Variants in C1orf21 observed in about 807,000 individuals in gnomAD.
C1orf21 encodes uncharacterized protein C1orf21.
Under a neutral mutation model 18.7 loss-of-function variants are expected in C1orf21, and 3 were observed. The ratio of observed to expected loss-of-function variants is 0.16; its 90% CI spans 0.07 to 0.42. C1orf21 has a LOEUF of 0.42. C1orf21 is among the 10% of genes least tolerant of loss of function. The probability of loss-of-function intolerance (pLI) is 0.99; values close to 1 mark genes in which losing one functional copy is unlikely to be tolerated. For missense variants in C1orf21, 104 were observed against 143.6 expected, an observed-to-expected ratio of 0.72 and a Z score of 1.41; for synonymous variants, 41 against 46.4, an observed-to-expected ratio of 0.88 and a Z score of 0.47.
intron 1 of C1orf21, among the ~76,000 whole-genome samples, chr1:184,472,316 C>T (rs1346451806): frequency 1.3e-5 from 2 of 152,148 alleles, no homozygotes; most frequent in African/African-American, 4.8e-5. Context: ...CTGCTGACTT[C>T]ATAGCTCTCT....
chr1:184,566,551 G>A (rs1183719813), intron 3 of C1orf21: 1 of 367,102 alleles, frequency 2.7e-6, no homozygotes, highest in Non-Finnish European at 5.3e-6. Context: ...CACAGCCTCA[G>A]GTGCTTCCTC....
At chr1:184,574,155 A>C (rs1659153336) in intron 3 of C1orf21, among the ~76,000 whole-genome samples, 1 of 152,220 alleles carries the variant, frequency 6.6e-6, no homozygotes, top group Non-Finnish European at 1.5e-5. Flanking sequence ...CCGTGAGCTG[A>C]GATCACGCCA....
intron 2 of C1orf21, among the ~76,000 whole-genome samples, chr1:184,499,971 C>T (rs1657949668): frequency 6.6e-6 from 1 of 152,170 alleles, no homozygotes; most frequent in African/African-American, 2.4e-5. Context: ...AGCAGTTCTT[C>T]AGTGGGTGGA....
chr1:184,522,280 G>A (rs1658315945), intron 3 of C1orf21, among the ~76,000 whole-genome samples: 1 of 152,044 alleles, frequency 6.6e-6, no homozygotes, highest in Non-Finnish European at 1.5e-5. Flanking sequence ...TTATACATGT[G>A]TATATGGTTG....
chr1:184,388,935 T>G (rs1487565160), intron 1 of C1orf21, among the ~76,000 whole-genome samples: 1 of 152,172 alleles, frequency 6.6e-6, no homozygotes, highest in Non-Finnish European at 1.5e-5. Flanking sequence ...GATTGTAGGA[T>G]CAATAGAACA....
chr1:184,520,108 A>C (rs1658285367), intron 3 of C1orf21, among the ~76,000 whole-genome samples: 1 of 152,206 alleles, frequency 6.6e-6, no homozygotes, highest in East Asian at 1.9e-4. Context: ...GTATTTACTC[A>C]GTGCTCTGTA....
chr1:184,618,199 G>C (rs903555750), intron 5 of C1orf21, among the ~76,000 whole-genome samples: 1 of 152,110 alleles, frequency 6.6e-6, no homozygotes, highest in Non-Finnish European at 1.5e-5. Context: ...GTGAGCCACC[G>C]TGTCCAGCCA....
At chr1:184,414,067 A>G (rs2101963555) in intron 1 of C1orf21, among the ~76,000 whole-genome samples, 1 of 152,366 alleles carries the variant, frequency 6.6e-6, no homozygotes, top group South Asian at 2.1e-4. Flanking sequence ...TGAGAACTGC[A>G]GAGTGCGTCT....
At chr1:184,490,055 A>G (rs1446651410) in intron 2 of C1orf21, among the ~76,000 whole-genome samples, 1 of 152,250 alleles carries the variant, frequency 6.6e-6, no homozygotes, top group Non-Finnish European at 1.5e-5. Context: ...AGAAAGCACT[A>G]TCACTGGAAA....
chr1:184,556,810 T>C (rs1386183040), intron 3 of C1orf21, among the ~76,000 whole-genome samples: 2 of 152,104 alleles, frequency 1.3e-5, no homozygotes, highest in African/African-American at 2.4e-5. Context: ...AGGGTGACTA[T>C]AATTTTAGAA....
intron 3 of C1orf21, among the ~76,000 whole-genome samples, chr1:184,539,827 G>T (rs1464557629): frequency 6.6e-6 from 1 of 152,152 alleles, no homozygotes; most frequent in African/African-American, 2.4e-5. Context: ...TCACCTTTAA[G>T]GGGAAGTCTT....
intron 1 of C1orf21, among the ~76,000 whole-genome samples, chr1:184,465,557 C>T (rs139136412): frequency 4.6e-5 from 7 of 152,080 alleles, no homozygotes; most frequent in Non-Finnish European, 8.8e-5. Context: ...TTGTTTTTAT[C>T]GGCCTGTTCC....
chr1:184,540,966 C>T (rs1232783302), intron 3 of C1orf21, among the ~76,000 whole-genome samples: 1 of 152,140 alleles, frequency 6.6e-6, no homozygotes, highest in African/African-American at 2.4e-5. Flanking sequence ...TAATAGCTAA[C>T]AATTGTTGTA....
rs773521480 is a variant in C1orf21, at chr1:184,494,329, C to T, written c.95-13259C>T. On this transcript the variant is annotated intron_variant, in intron 2 of 5. Coordinates refer to ENST00000235307, the MANE Select transcript of C1orf21 (RefSeq NM_030806.4). ...CAAACTCACAGAGGCAGTCCAGGGCCGGACTGTACTGCTCTGTACACTGGC... is the reference window on the plus strand; with the variant it reads ...CAAACTCACAGAGGCAGTCCAGGGCTGGACTGTACTGCTCTGTACACTGGC... 7.2e-5 allele frequency among the ~76,000 whole-genome samples: 11 copies of T among 152,212 alleles called. No homozygotes were observed. The South Asian group carries it at 1.0e-3, about 14-fold the overall frequency.
In C1orf21 at chr1:184,462,051, A is replaced by G. The variant is rs573726223; in HGVS notation, c.-124-15335A>G. 4.6e-5 allele frequency among the ~76,000 whole-genome samples: 7 copies of G among 152,326 alleles called. No individual in the cohort carries two copies. The South Asian group carries it at 6.2e-4, about 14-fold the overall frequency. On this transcript the variant is annotated intron_variant, in intron 1 of 5. Coordinates refer to ENST00000235307, the MANE Select transcript of C1orf21 (RefSeq NM_030806.4). ...CAAATTAAACAACAGGGAGGAGGAC[A>G]TGGGTCTTTCTTTTATTTCTTATAA...
At chr1:184,453,072 G>C (rs531508194) in intron 1 of C1orf21, among the ~76,000 whole-genome samples, 2 of 152,176 alleles carry the variant, frequency 1.3e-5, no homozygotes, top group Admixed American at 1.3e-4. Flanking sequence ...GATCTTTCTA[G>C]GAAGACCTTC....
chr1:184,441,540 G>A lies in C1orf21; in HGVS notation c.-124-35846G>A, dbSNP rs555989033. ...AAAATAGGAGGGCAGTAGGAATGTT[G>A]AGTGATTATTATAATGTGTGATTAT... On this transcript the variant is annotated intron_variant, in intron 1 of 5. Transcript: ENST00000235307. Among the ~76,000 whole-genome samples, 90 of 152,312 alleles carry A rather than the reference G, an allele frequency of 5.9e-4. 1 individual carries two copies. Among genetic ancestry groups the A allele is most frequent in the African/African-American group, 2.1e-3 (87 of 41,568 alleles).
rs139072535 is a variant in C1orf21 at position 184,604,449 on chromosome 1, G to A, written c.327+5988G>A. ...TTTAGCAGTGGGCAGGGCTGCCATC[G>A]TCATTCCATGAAACAATTTCTTGCT... On this transcript the variant is annotated intron_variant, in intron 5 of 5. Transcript: ENST00000235307. 1.9e-4 allele frequency among the ~76,000 whole-genome samples: 29 copies of A among 152,294 alleles called. No individual in the cohort carries two copies. The East Asian group carries it at 5.6e-3, about 29-fold the overall frequency.
intron 1 of C1orf21, among the ~76,000 whole-genome samples, chr1:184,439,889 AAACT>A (rs1656917798): frequency 6.6e-6 from 1 of 152,256 alleles, no homozygotes; most frequent in East Asian, 1.9e-4. Context: ...ATAAAAATTA[AAACT>A]AATGATTTAT....
Sources: gnomAD v4.1 joint callset for allele counts (sites outside exome capture counted in the v4.1 genomes callset) on GRCh38, gnomAD v4.1.1 for gene constraint, MANE v1.5 for transcripts, NCBI Gene and HGNC (gene_info 2026-07-23, HGNC 2026-07-21) for gene names.